Variants in CDH23 observed in about 807,000 individuals in gnomAD.
The protein encoded by CDH23 is cadherin-23.
In CDH23, 189 loss-of-function variants were observed where a neutral mutation model predicts 317.1. The observed-to-expected ratio is 0.60, with a 90% CI of 0.53 to 0.67. The LOEUF (loss-of-function observed/expected upper bound fraction) is 0.67. Ranked by LOEUF, CDH23 falls within the 30% of genes least tolerant of loss-of-function variation. The probability of loss-of-function intolerance (pLI) is 0.00; values close to 1 mark genes in which losing one functional copy is unlikely to be tolerated. For synonymous variants in CDH23, 1,839 were observed against 1,876.8 expected (o/e 0.98, Z 0.52); for missense variants, 4,401 against 4,592.4 (o/e 0.96, Z 1.20).
intron 22 of CDH23, among the ~76,000 whole-genome samples, chr10:71,698,843 T>C (rs1184455868): frequency 6.6e-6 from 1 of 152,222 alleles, no homozygotes; most frequent in Non-Finnish European, 1.5e-5. Context: ...GGTTTAGTGA[T>C]TAAGCAGGCA....
At chr10:71,535,785 G>A (rs765188119) in intron 6 of CDH23, among the ~76,000 whole-genome samples, 6 of 152,218 alleles carry the variant, frequency 3.9e-5, no homozygotes, top group Non-Finnish European at 8.8e-5. Context: ...CATGTGCCCT[G>A]AGGACATGAG....
chr10:71,760,004 TATATATACACACAC>T (rs1564779594), intron 38 of CDH23, among the ~76,000 whole-genome samples: 1,403 of 52,402 alleles, frequency 0.027, 299 homozygotes, highest in Non-Finnish European at 0.039. Flanking sequence ...CACACATACA[TATATATACACACAC>T]ACATATATAC....
chr10:71,471,012 A>G (rs1851479135), intron 3 of CDH23, among the ~76,000 whole-genome samples: 1 of 152,190 alleles, frequency 6.6e-6, no homozygotes, highest in South Asian at 2.1e-4. Context: ...TTCCTTATAT[A>G]CAGATAAAGG....
intron 2 of CDH23, among the ~76,000 whole-genome samples, chr10:71,444,615 C>A (rs1850068472): frequency 6.6e-6 from 1 of 152,214 alleles, no homozygotes. Context: ...CTAGAAATGG[C>A]ATCAGCTTGG....
intron 11 of CDH23, among the ~76,000 whole-genome samples, chr10:71,633,679 G>A (rs1019500125): frequency 2.0e-5 from 3 of 152,234 alleles, no homozygotes; most frequent in Admixed American, 6.5e-5. Context: ...GAAATTACCT[G>A]CTCCTTCTTG....
intron 8 of CDH23, among the ~76,000 whole-genome samples, chr10:71,577,688 T>C (rs1210389133): frequency 2.0e-5 from 3 of 152,190 alleles, no homozygotes; most frequent in African/African-American, 7.2e-5. Flanking sequence ...GAAAGGGGAA[T>C]GATAACATCG....
At chr10:71,577,874 C>A in intron 8 of CDH23, 40 bp from the exon 9 acceptor site, 1 of 1,514,236 alleles carries the variant, frequency 6.6e-7, no homozygotes. Context: ...AGACAGCAGC[C>A]AGGGGACCCA....
intron 44 of CDH23, among the ~76,000 whole-genome samples, chr10:71,787,425 G>T (rs1400257586): frequency 6.6e-6 from 1 of 151,184 alleles, no homozygotes; most frequent in Non-Finnish European, 1.5e-5. Flanking sequence ...TACCCATCAG[G>T]TGTACCCAAA....
chr10:71,402,747 ACGCG>A (rs1491142017), intron 1 of CDH23, among the ~76,000 whole-genome samples: 2 of 136,082 alleles, frequency 1.5e-5, no homozygotes, highest in African/African-American at 5.3e-5. Flanking sequence ...GTGTGTGTGC[ACGCG>A]CGCGCGCGCA....
intron 3 of CDH23, among the ~76,000 whole-genome samples, chr10:71,480,130 G>C (rs1851992362): frequency 2.0e-5 from 3 of 152,232 alleles, no homozygotes; most frequent in African/African-American, 7.2e-5. Flanking sequence ...AGGTGACACA[G>C]GTCATTTCCT....
At chr10:71,503,970 A>T (rs1366586706) in intron 3 of CDH23, among the ~76,000 whole-genome samples, 1 of 152,042 alleles carries the variant, frequency 6.6e-6, no homozygotes, top group Non-Finnish European at 1.5e-5. Context: ...AGCCTGTGAG[A>T]TTCAGTGATG....
intron 41 of CDH23, among the ~76,000 whole-genome samples, chr10:71,783,647 T>C (rs1841017014): frequency 6.6e-6 from 1 of 152,166 alleles, no homozygotes; most frequent in East Asian, 1.9e-4. Context: ...AGCGGGGCTC[T>C]TCAGAAACAT....
intron 20 of CDH23, among the ~76,000 whole-genome samples, chr10:71,693,166 C>T (rs920337451): frequency 2.6e-5 from 4 of 152,242 alleles, no homozygotes; most frequent in African/African-American, 7.2e-5. Context: ...TCACCCTGCT[C>T]CCAAGAGCTA....
chr10:71,578,785 G>T (rs1472421415), intron 9 of CDH23, among the ~76,000 whole-genome samples: 1 of 152,176 alleles, frequency 6.6e-6, no homozygotes, highest in East Asian at 1.9e-4. Flanking sequence ...TCAGCCTGGT[G>T]TATCTGGGCA....
At chr10:71,436,283 C>T (rs964421763) in intron 1 of CDH23, among the ~76,000 whole-genome samples, 12 of 152,256 alleles carry the variant, frequency 7.9e-5, no homozygotes, top group Admixed American at 7.2e-4. Context: ...GAAAGGAGAA[C>T]AGGCACTTGA....
In CDH23 at chr10:71,785,064, G is replaced by A. The variant is rs774305066; in HGVS notation, c.5676G>A (p.Ala1892=). 3.6e-5 allele frequency: 58 copies of A among 1,613,938 alleles called. No individual in the cohort carries two copies. Among genetic ancestry groups the A allele is most frequent in the Non-Finnish European group, 4.1e-5 (48 of 1,179,900 alleles). Residue 1892 remains alanine, a synonymous_variant, in exon 43 of 70, where the codon GCG becomes GCA. Coordinates refer to ENST00000224721, the MANE Select transcript of CDH23 (RefSeq NM_022124.6). ...CNARLTFNIT[A]GNRERAFFIN... is the part of the protein sequence containing the mutation. ...CACGCCTCACCTTCAACATCACTGC[G>A]GGCAACCGCGAGCGGGCCTTCTTCA... is the stretch of plus-strand genomic sequence containing the variant.
intron 8 of CDH23, among the ~76,000 whole-genome samples, chr10:71,574,246 C>T (rs1176055659): frequency 6.6e-6 from 1 of 152,124 alleles, no homozygotes; most frequent in Non-Finnish European, 1.5e-5. Flanking sequence ...GGTTAGCATG[C>T]CTCATCTAAA....
intron 8 of CDH23, among the ~76,000 whole-genome samples, chr10:71,574,362 C>A (rs532531726): frequency 6.6e-6 from 1 of 152,248 alleles, no homozygotes; most frequent in East Asian, 1.9e-4. Flanking sequence ...AGTGAAGGGC[C>A]GATAGAAGGT....
intron 14 of CDH23, among the ~76,000 whole-genome samples, chr10:71,652,580 C>G (rs562623976): frequency 6.6e-6 from 1 of 152,196 alleles, no homozygotes. Flanking sequence ...GACAAGACAC[C>G]GGGCCTCAGT....
Sources: allele counts gnomAD v4.1 joint callset (sites outside exome capture counted in the v4.1 genomes callset), GRCh38; gene constraint gnomAD v4.1.1; transcripts MANE v1.5; gene names NCBI Gene and HGNC (gene_info 2026-07-23, HGNC 2026-07-21).